Variants in CNTNAP2 observed in about 807,000 individuals in gnomAD.
CNTNAP2 encodes contactin associated protein 2, also known as contactin-associated protein-like 2.
In CNTNAP2, 98 loss-of-function variants were observed where a neutral mutation model predicts 155.2. The ratio of observed to expected loss-of-function variants is 0.63; its 90% CI spans 0.54 to 0.75. The LOEUF (loss-of-function observed/expected upper bound fraction) is 0.75. Among genes scored for constraint, CNTNAP2 ranks in the 30% least tolerant of loss-of-function variants. The pLI is 0.00. For synonymous variants in CNTNAP2, 651 were observed against 631.2 expected, an observed-to-expected ratio of 1.03 and a Z score of -0.47; for missense variants, 1,727 against 1,688.1, an observed-to-expected ratio of 1.02 and a Z score of -0.40.
chr7:146,725,426 A>G (rs1362332963), intron 1 of CNTNAP2, among the ~76,000 whole-genome samples: 1 of 152,146 alleles, frequency 6.6e-6, no homozygotes, highest in Admixed American at 6.5e-5. Context: ...GGTTTGGGAC[A>G]AGCTAATTTG....
At chr7:147,898,807 C>G (rs954366819) in intron 13 of CNTNAP2, among the ~76,000 whole-genome samples, 2 of 152,130 alleles carry the variant, frequency 1.3e-5, no homozygotes, top group African/African-American at 4.8e-5. Flanking sequence ...TGTGAGCCAC[C>G]ACGTCCAGCC....
chr7:146,894,731 C>T (rs1290310044), intron 3 of CNTNAP2, among the ~76,000 whole-genome samples: 1 of 152,026 alleles, frequency 6.6e-6, no homozygotes, highest in East Asian at 1.9e-4. Context: ...ATTTACTTTT[C>T]TAATTCTTTG....
chr7:147,871,286 T>C (rs1799322314), intron 13 of CNTNAP2, among the ~76,000 whole-genome samples: 1 of 152,170 alleles, frequency 6.6e-6, no homozygotes, highest in East Asian at 1.9e-4. Context: ...TAGTCTAAAG[T>C]CTTGCAAAAG....
chr7:147,737,793 T>C (rs1008483408), intron 13 of CNTNAP2, among the ~76,000 whole-genome samples: 1 of 152,154 alleles, frequency 6.6e-6, no homozygotes, highest in African/African-American at 2.4e-5. Flanking sequence ...TGAGCGAGGC[T>C]CTGTGGGCAT....
chr7:147,593,068 T>G (rs938173486), intron 12 of CNTNAP2, among the ~76,000 whole-genome samples: 5 of 152,182 alleles, frequency 3.3e-5, no homozygotes, highest in Admixed American at 6.5e-5. Context: ...TTTTTATCTT[T>G]CTGTAACTCT....
chr7:147,882,076 A>G (rs1193168476), intron 13 of CNTNAP2, among the ~76,000 whole-genome samples: 1 of 152,184 alleles, frequency 6.6e-6, no homozygotes, highest in Non-Finnish European at 1.5e-5. Flanking sequence ...TTGTTACAAT[A>G]TATGCAATGT....
At chr7:148,202,586 T>A (rs10241724) in intron 18 of CNTNAP2, among the ~76,000 whole-genome samples, 63,177 of 152,022 alleles carry the variant, frequency 0.42, 14,429 homozygotes, top group Non-Finnish European at 0.51. Context: ...AAGAGGGGTG[T>A]GCTTGAAGCA....
chr7:148,042,120 C>T (rs547137350), intron 15 of CNTNAP2, among the ~76,000 whole-genome samples: 4 of 152,258 alleles, frequency 2.6e-5, no homozygotes, highest in African/African-American at 9.6e-5. Flanking sequence ...ATTTCTTTTA[C>T]AATTGTGATT....
At chr7:146,505,830 C>T (rs1461122670) in intron 1 of CNTNAP2, among the ~76,000 whole-genome samples, 3 of 152,180 alleles carry the variant, frequency 2.0e-5, no homozygotes, top group East Asian at 1.9e-4. Flanking sequence ...GTCAGTGGCA[C>T]AGTGTAGCAG....
chr7:147,037,768 C>G (rs1012884218), intron 3 of CNTNAP2, among the ~76,000 whole-genome samples: 10 of 152,040 alleles, frequency 6.6e-5, no homozygotes, highest in African/African-American at 2.4e-4. Context: ...ATACTAGAAC[C>G]GTTTAAATAA....
At chr7:147,732,988 A>T (rs543691390) in intron 13 of CNTNAP2, among the ~76,000 whole-genome samples, 203 of 152,252 alleles carry the variant, frequency 1.3e-3, no homozygotes, top group African/African-American at 3.1e-3. Flanking sequence ...GTAGGTTGCC[A>T]GTTCACTCTG....
intron 2 of CNTNAP2, among the ~76,000 whole-genome samples, chr7:146,807,085 C>A (rs1270225879): frequency 2.0e-5 from 3 of 152,058 alleles, no homozygotes; most frequent in Admixed American, 2.0e-4. Flanking sequence ...CTTTTGTGAG[C>A]TAATATTTTA....
intron 2 of CNTNAP2, among the ~76,000 whole-genome samples, chr7:146,808,456 A>AT (rs1264950121): frequency 6.6e-6 from 1 of 152,160 alleles, no homozygotes; most frequent in Non-Finnish European, 1.5e-5. Context: ...TTCTGCATCT[A>AT]TTGTGCTGAT....
At chr7:146,816,909 T>C (rs1563243636) in intron 2 of CNTNAP2, among the ~76,000 whole-genome samples, 1 of 152,198 alleles carries the variant, frequency 6.6e-6, no homozygotes, top group Admixed American at 6.5e-5. Context: ...TGAGTTTACC[T>C]GAGGAAAATA....
At chr7:146,334,642 C>T (rs764727655) in intron 1 of CNTNAP2, among the ~76,000 whole-genome samples, 3 of 151,972 alleles carry the variant, frequency 2.0e-5, no homozygotes, top group Non-Finnish European at 4.4e-5. Context: ...ATTCTTTCTA[C>T]CTGTAGATAT....
At chr7:147,544,908 G>A (rs1799704135) in intron 11 of CNTNAP2, among the ~76,000 whole-genome samples, 1 of 151,998 alleles carries the variant, frequency 6.6e-6, no homozygotes, top group Admixed American at 6.6e-5. Context: ...CCATGATTGT[G>A]AGCCTCCCTA....
At chr7:146,988,730 C>G (rs1297963982) in intron 3 of CNTNAP2, among the ~76,000 whole-genome samples, 1 of 152,128 alleles carries the variant, frequency 6.6e-6, no homozygotes, top group Non-Finnish European at 1.5e-5. Context: ...CCAAAGAGAA[C>G]ATTGTTTAAA....
At chr7:148,386,607 A>G (rs1799201821) in intron 22 of CNTNAP2, among the ~76,000 whole-genome samples, 1 of 152,164 alleles carries the variant, frequency 6.6e-6, no homozygotes, top group African/African-American at 2.4e-5. Context: ...GGAACATGAG[A>G]GACAATGTGG....
intron 12 of CNTNAP2, among the ~76,000 whole-genome samples, chr7:147,599,002 C>G (rs992307505): frequency 6.6e-6 from 1 of 152,124 alleles, no homozygotes; most frequent in African/African-American, 2.4e-5. Context: ...TTATAAATTA[C>G]CCAGACTCAG....
Sources: gnomAD v4.1 joint callset for allele counts (sites outside exome capture counted in the v4.1 genomes callset) on GRCh38, gnomAD v4.1.1 for gene constraint, MANE v1.5 for transcripts, NCBI Gene and HGNC (gene_info 2026-07-23, HGNC 2026-07-21) for gene names.